ALB: variants seen among roughly 807,000 people sequenced by gnomAD.
ALB encodes serum albumin.
Under a neutral mutation model 74.5 loss-of-function variants are expected in ALB, and 37 were observed. The ratio of observed to expected loss-of-function variants is 0.50; its 90% CI spans 0.38 to 0.65. The LOEUF (loss-of-function observed/expected upper bound fraction) is 0.65, where lower values mean the gene tolerates loss of function less well. Ranked by LOEUF, ALB falls within the 30% of genes least tolerant of loss-of-function variation. The probability of loss-of-function intolerance (pLI) is 0.00; values close to 1 mark genes in which losing one functional copy is unlikely to be tolerated. For missense variants in ALB, 685 were observed against 718.7 expected (o/e 0.95, Z 0.54); for synonymous variants, 249 against 251.6 (o/e 0.99, Z 0.10).
intron 3 of ALB, among the ~76,000 whole-genome samples, chr4:73,407,365 C>CT (rs1385663132): frequency 3.3e-5 from 5 of 152,154 alleles, no homozygotes; most frequent in Non-Finnish European, 7.4e-5. Context: ...TACTGTTTAT[C>CT]TTTTTATGAC....
In ALB at chr4:73,417,519, TC is replaced by T. The variant is rs758345695; in HGVS notation, c.1290-11del. ...CTTGCCTTGCTGAAAACACATGACT[TC>T]TTTTTTTCAGGCTATTAGTTCGTTA... On this transcript the variant is annotated splice_polypyrimidine_tract_variant and intron_variant, in intron 10 of 14. Coordinates refer to ENST00000295897, the MANE Select transcript of ALB (RefSeq NM_000477.7). 8.7e-6 allele frequency: 14 copies of T among 1,613,886 alleles called. No homozygotes were observed.
At chr4:73,419,363 C>A in intron 12 of ALB, 144 bp from the exon 13 acceptor site, 1 of 812,792 alleles carries the variant, frequency 1.2e-6, no homozygotes, top group Non-Finnish European at 1.9e-6. Context: ...TAGCGGTATG[C>A]CTGAGCCCCA....
In ALB at chr4:73,418,144, C is replaced by CA. The variant is rs1274226966; in HGVS notation, c.1486dup (p.Arg496LysfsTer24). The CA allele has an allele frequency of 1.9e-6, 3 of 1,614,052 alleles. No individual in the cohort carries two copies. Among genetic ancestry groups the CA allele is most frequent in the Non-Finnish European group, 2.5e-6 (3 of 1,180,032 alleles). Reference sequence around the variant, plus strand: ...TGCATGAGAAAACGCCAGTAAGTGACAGAGTCACCAAATGCTGCACAGAAT... The same window carrying CA: ...TGCATGAGAAAACGCCAGTAAGTGACAAGAGTCACCAAATGCTGCACAGAAT... On this transcript the variant is annotated frameshift_variant, in exon 12 of 15. Coordinates refer to ENST00000295897, the MANE Select transcript of ALB (RefSeq NM_000477.7). LOFTEE classifies it high-confidence loss of function.
intron 12 of ALB, among the ~76,000 whole-genome samples, chr4:73,418,549 T>C (rs763515660): frequency 1.9e-4 from 29 of 152,328 alleles, no homozygotes; most frequent in Non-Finnish European, 4.0e-4. Flanking sequence ...AAAGCCACAA[T>C]AGAATAACAT....
intron 13 of ALB, 25 bp from the exon 14 acceptor site, chr4:73,420,229 A>G: frequency 6.2e-7 from 1 of 1,606,544 alleles, no homozygotes. Flanking sequence ...TATTTTCCTA[A>G]CATCTGTCAT....
At chr4:73,410,614 T>C (rs1718850307) in intron 6 of ALB, among the ~76,000 whole-genome samples, 1 of 152,164 alleles carries the variant, frequency 6.6e-6, no homozygotes. Context: ...TTCTAAATAG[T>C]TGAATAATTT....
In ALB at chr4:73,419,576, T is replaced by C; in HGVS notation, c.1722T>C (p.Asp574=). ...TKEQLKAVMD[D]FAAFVEKCCK... ...AGCAACTGAAAGCTGTTATGGATGA[T>C]TTCGCAGCTTTTGTAGAGAAGTGCT... Residue 574 remains aspartate, a synonymous_variant, in exon 13 of 15, where the codon GAT becomes GAC. Transcript: ENST00000295897. The C allele has an allele frequency of 6.2e-7, 1 of 1,613,992 alleles. No individual in the cohort carries two copies. Among genetic ancestry groups the C allele is most frequent in the Non-Finnish European group, 8.5e-7 (1 of 1,179,936 alleles).
At position 73,418,320 on chromosome 4, in the gene ALB, T is replaced by A. The variant is rs2149329694; in HGVS notation, c.1652+9T>A. 6.2e-7 allele frequency: 1 copy of A among 1,607,176 alleles called. No homozygotes were observed. The highest frequency in any genetic ancestry group is 8.5e-7 in the Non-Finnish European group (1 of 1,175,120). ...CAAATCAAGAAACAAACGTGAGGAG[T>A]ATTTCATTACTGCATGTGTTTGTAG... On this transcript the variant is annotated intron_variant, in intron 12 of 14. Coordinates refer to ENST00000295897, the MANE Select transcript of ALB (RefSeq NM_000477.7).
intron 6 of ALB, among the ~76,000 whole-genome samples, chr4:73,411,081 C>T (rs1272065721): frequency 2.6e-5 from 4 of 152,086 alleles, no homozygotes; most frequent in African/African-American, 4.8e-5. Flanking sequence ...CTAGCTGCCC[C>T]GTCACCCACA....
In ALB at chr4:73,418,069, T is replaced by C. The variant is rs56657304; in HGVS notation, c.1429-19T>C. Reference sequence around the variant, plus strand: ...AGCTTCACCTCTTTTGAATTTCTGCTCTCCTGCCTGTTCTTTAGCTATCCG... The same window carrying C: ...AGCTTCACCTCTTTTGAATTTCTGCCCTCCTGCCTGTTCTTTAGCTATCCG... On this transcript the variant is annotated intron_variant, in intron 11 of 14. Transcript: ENST00000295897. 5.9e-5 allele frequency: 95 copies of C among 1,612,118 alleles called. No individual in the cohort carries two copies. Among genetic ancestry groups the C allele is most frequent in the Admixed American group, 1.2e-4 (7 of 59,966 alleles).
At chr4:73,409,112 C>T (rs965980236) in intron 4 of ALB, 1 of 587,814 alleles carries the variant, frequency 1.7e-6, no homozygotes, top group Non-Finnish European at 3.0e-6. Flanking sequence ...TCGTTTTAGT[C>T]AGCAACATTA....
intron 7 of ALB, 188 bp downstream of exon 7, chr4:73,412,313 C>A: frequency 1.5e-6 from 1 of 676,370 alleles, no homozygotes; most frequent in East Asian, 2.9e-5. Flanking sequence ...CTATAAATTA[C>A]CAGATAAACC....
chr4:73,414,934 A>G, intron 8 of ALB, 101 bp from the exon 9 acceptor site: 2 of 1,475,800 alleles, frequency 1.4e-6, no homozygotes, highest in Non-Finnish European at 1.9e-6. Context: ...GGTTTAGTCA[A>G]ATTAAGACTT....
At chr4:73,419,421 GGACTACCATCCTTA>G in intron 12 of ALB, 72 bp from the exon 13 acceptor site, 1 of 1,425,994 alleles carries the variant, frequency 7.0e-7, no homozygotes, top group Non-Finnish European at 9.5e-7. Context: ...TTAAATGATG[GGACTACCATCCTTA>G]CTCTCTCCAT....
chr4:73,415,426 T>G, intron 9 of ALB: 1 of 402,826 alleles, frequency 2.5e-6, no homozygotes, highest in Non-Finnish European at 4.4e-6. Context: ...TTCACAATCC[T>G]GAGAACAAAA....
intron 8 of ALB, 95 bp from the exon 9 acceptor site, chr4:73,414,940 G>T: frequency 1.3e-6 from 2 of 1,496,248 alleles, no homozygotes; most frequent in Middle Eastern, 1.8e-4. Context: ...GTCAAATTAA[G>T]ACTTTTGGAA....
At chr4:73,419,217 T>C in intron 12 of ALB, 1 of 300,652 alleles carries the variant, frequency 3.3e-6, no homozygotes, top group Non-Finnish European at 6.2e-6. Flanking sequence ...TTTTCAGAGA[T>C]TTACTGAAAA....
At position 73,410,306 on chromosome 4, in the gene ALB, T is replaced by A. The variant is rs780498508; in HGVS notation, c.616-6T>A. On this transcript the variant is annotated splice_region_variant and splice_polypyrimidine_tract_variant and intron_variant, in intron 5 of 14. Transcript: ENST00000295897. ...CTAATTTTCATCAAATTATTCCTTT[T>A]TGTAGCTCGATGAACTTCGGGATGA... 3 of 1,611,714 alleles carry A rather than the reference T, an allele frequency of 1.9e-6. No individual in the cohort carries two copies. The African/African-American group carries it at 4.0e-5, about 22-fold the overall frequency.
intron 5 of ALB, among the ~76,000 whole-genome samples, chr4:73,409,910 A>G (rs771446734): frequency 2.0e-5 from 3 of 152,070 alleles, no homozygotes; most frequent in African/African-American, 7.2e-5. Flanking sequence ...ATAAATATAT[A>G]TTATGGAATG....
Sources: allele counts gnomAD v4.1 joint callset (sites outside exome capture counted in the v4.1 genomes callset), GRCh38; gene constraint gnomAD v4.1.1; transcripts MANE v1.5; gene names NCBI Gene and HGNC (gene_info 2026-07-23, HGNC 2026-07-21).